Variants in CR2 observed in about 807,000 individuals in gnomAD.
CR2 encodes complement receptor type 2.
In CR2, 96 loss-of-function variants were observed where a neutral mutation model predicts 123.0. The ratio of observed to expected loss-of-function variants is 0.78; its 90% CI spans 0.66 to 0.93. The LOEUF is 0.93. CR2 is among the 40% of genes least tolerant of loss of function. The pLI is 0.00. For missense variants in CR2, 1,258 were observed against 1,361.0 expected (o/e 0.92, Z 1.19); for synonymous variants, 484 against 469.5 (o/e 1.03, Z -0.40).
chr1:207,473,351 C>A (rs1658343236), intron 10 of CR2, among the ~76,000 whole-genome samples, 172 bp downstream of exon 10: 1 of 152,050 alleles, frequency 6.6e-6, no homozygotes, highest in African/African-American at 2.4e-5. Flanking sequence ...GCAAATGCCC[C>A]CTTGGATCTG....
chr1:207,470,278 T>C (rs1658231501), intron 6 of CR2, among the ~76,000 whole-genome samples, 176 bp downstream of exon 6: 1 of 152,194 alleles, frequency 6.6e-6, no homozygotes, highest in Non-Finnish European at 1.5e-5. Context: ...CACCATTGTT[T>C]TATTTTGTGG....
intron 1 of CR2, among the ~76,000 whole-genome samples, chr1:207,457,286 C>A (rs1657856431): frequency 6.6e-6 from 1 of 152,194 alleles, no homozygotes; most frequent in African/African-American, 2.4e-5. Context: ...ATCCATTCTG[C>A]TGACAAATTC....
In CR2 at chr1:207,454,519, G is replaced by A. The variant is rs1657780905; in HGVS notation, c.58+43G>A. 5 of 1,432,386 alleles carry A rather than the reference G, an allele frequency of 3.5e-6. No individual in the cohort carries two copies. The highest frequency in any genetic ancestry group is 3.8e-6 in the Non-Finnish European group (4 of 1,064,198). 88.7% of individuals were successfully genotyped at this position (1,432,386 alleles called of 1,614,324 possible). On this transcript the variant is annotated intron_variant, in intron 1 of 19. Transcript: ENST00000367057. This position sits in a 1 kb window ranked among gnomAD's most constrained non-coding sequence, Gnocchi z 4.3. ...GCACGGAGGTGGGGACGCGTCCCGG[G>A]CAGGGAAAGTTTCTGTGCCGCGATG... is the stretch of plus-strand genomic sequence containing the variant.
At chr1:207,481,749 C>T (rs1003983211) in intron 18 of CR2, among the ~76,000 whole-genome samples, 15 of 151,878 alleles carry the variant, frequency 9.9e-5, no homozygotes, top group African/African-American at 3.1e-4. Flanking sequence ...GCTACATAGC[C>T]ATAAAAGTAT....
rs775229214 is a variant in CR2 at position 207,473,688 on chromosome 1, G to C, written c.2122G>C (p.Gly708Arg). Residue 708 changes from glycine to arginine, a missense_variant, in exon 11 of 20, where the codon GGA becomes CGA. Transcript: ENST00000367057. The part of the protein sequence containing the change: ...GNKSIHCMPS[G>R]NWSPSAPRCE... Reference sequence around the variant, plus strand: ...CAAATCCATTCACTGTATGCCTTCAGGAAATTGGAGTCCTTCTGCCCCACG... The same window carrying C: ...CAAATCCATTCACTGTATGCCTTCACGAAATTGGAGTCCTTCTGCCCCACG... 7.1e-5 allele frequency: 114 copies of C among 1,613,908 alleles called. No homozygotes were observed. Among genetic ancestry groups the C allele is most frequent in the Non-Finnish European group, 5.9e-6 (7 of 1,179,908 alleles).
Position 207,475,192 on chromosome 1 carries a change from G to A in CR2, c.2692G>A (p.Gly898Ser), listed in dbSNP as rs1363171444. ...RCHTDNTWVP[G>S]VPTCIKKAFI... Reference sequence around the variant, plus strand: ...TCATACTGATAACACATGGGTGCCAGGTGTGCCAACTTGTATCAAAAAAGG... The same window carrying A: ...TCATACTGATAACACATGGGTGCCAAGTGTGCCAACTTGTATCAAAAAAGG... Residue 898 changes from glycine to serine, a missense_variant, in exon 14 of 20, where the codon GGT becomes AGT. Transcript: ENST00000367057. 1.2e-6 allele frequency: 2 copies of A among 1,613,846 alleles called. No homozygotes were observed. The highest frequency in any genetic ancestry group is 2.2e-5 in the South Asian group (2 of 91,062).
At position 207,469,904 on chromosome 1, in the gene CR2, G is replaced by C. The variant is rs1658216133; in HGVS notation, c.1027G>C (p.Glu343Gln). The change falls in exon 6 of 20, where the codon GAA becomes CAA. Residue 343 changes from glutamate (E) to glutamine (Q), a missense_variant. Glu to Gln is a conservative substitution (Grantham distance 29). Coordinates refer to ENST00000367057, the MANE Select transcript of CR2 (RefSeq NM_001006658.3). ...GTWSGPAPRC[E>Q]LSTSAVQCPH... Reference sequence around the variant, plus strand: ...CTGGAGTGGCCCTGCCCCACGCTGTGAACTTTCTACTTCTGCGGTTCAGTG... The same window carrying C: ...CTGGAGTGGCCCTGCCCCACGCTGTCAACTTTCTACTTCTGCGGTTCAGTG... 1 of 1,613,864 alleles carries C rather than the reference G, an allele frequency of 6.2e-7. No individual in the cohort carries two copies. The highest frequency in any genetic ancestry group is 8.5e-7 in the Non-Finnish European group (1 of 1,179,950).
chr1:207,458,073 C>CACATACACACACACACAT (rs1657879914), intron 1 of CR2, among the ~76,000 whole-genome samples: 1 of 149,192 alleles, frequency 6.7e-6, no homozygotes, highest in Admixed American at 6.6e-5. Context: ...CACACACACA[C>CACATACACACACACACAT]ACACACACAC....
intron 5 of CR2, 31 bp downstream of exon 5, chr1:207,469,263 T>G (rs1658195699): frequency 4.5e-6 from 7 of 1,541,510 alleles, no homozygotes; most frequent in Non-Finnish European, 6.3e-6. Flanking sequence ...CTGACAGCAC[T>G]GCATTCTCAG....
rs749874698 is a variant in CR2 at position 207,473,780 on chromosome 1, ATTC to A, written c.2156-20_2156-18del. Reference sequence around the variant, plus strand: ...ATATGAGACATCTATAAATACTGTAATTCCATCCTTGCTTCTCCAGAAACATGC... The same window carrying A: ...ATATGAGACATCTATAAATACTGTAACATCCTTGCTTCTCCAGAAACATGC... On this transcript the variant is annotated intron_variant, in intron 11 of 19. Transcript: ENST00000367057. The A allele has an allele frequency of 1.8e-4, 293 of 1,613,928 alleles. 1 individual carries two copies. Among genetic ancestry groups the A allele is most frequent in the Non-Finnish European group, 2.4e-4 (280 of 1,179,832 alleles).
At chr1:207,463,020 G>A (rs1410833227) in intron 1 of CR2, among the ~76,000 whole-genome samples, 4 of 152,112 alleles carry the variant, frequency 2.6e-5, no homozygotes, top group Non-Finnish European at 5.9e-5. Flanking sequence ...ACATAAGCAG[G>A]CCTGTCAGCA....
Position 207,476,431 on chromosome 1 carries a change from A to T in CR2, c.2902+12A>T. 6.2e-7 allele frequency: 1 copy of T among 1,610,306 alleles called. No individual in the cohort carries two copies. The highest frequency in any genetic ancestry group is 8.5e-7 in the Non-Finnish European group (1 of 1,178,514). On this transcript the variant is annotated intron_variant, in intron 15 of 19. Transcript: ENST00000367057. The stretch of plus-strand genomic sequence containing the variant: ...CCCTCATTGTAAAGGTGCTTTGTCT[A>T]TTTTTTATTCTTATTTTTATATCAA...
Position 207,469,910 on chromosome 1 carries a change from T to C in CR2, c.1033T>C (p.Ser345Pro). 6.2e-7 allele frequency: 1 copy of C among 1,614,048 alleles called. No individual in the cohort carries two copies. The highest frequency in any genetic ancestry group is 2.2e-5 in the East Asian group (1 of 44,882). Residue 345 changes from serine to proline, a missense_variant, in exon 6 of 20, where the codon TCT (serine) becomes CCT (proline). By Grantham distance (74) the Ser-to-Pro change is moderately conservative. Coordinates refer to ENST00000367057, the MANE Select transcript of CR2 (RefSeq NM_001006658.3). Reference protein sequence around the residue: ...WSGPAPRCELSTSAVQCPHPQ... With the variant: ...WSGPAPRCELPTSAVQCPHPQ... ...TGGCCCTGCCCCACGCTGTGAACTT[T>C]CTACTTCTGCGGTTCAGTGTCCACA...
Position 207,454,471 on chromosome 1 carries a change from T to C in CR2, c.53T>C (p.Val18Ala). 1 of 1,566,100 alleles carries C rather than the reference T, an allele frequency of 6.4e-7. No homozygotes were observed. The part of the protein sequence containing the change: ...GVFLALVAPG[V>A]LGISCGSPPP... ...TTCTTGGCTCTCGTCGCACCGGGGG[T>C]CCTCGGTGAGCTGGGAGGGGGAGCA... The change falls in exon 1 of 20, where the codon GTC (valine) becomes GCC (alanine). Residue 18 changes from valine to alanine, a missense_variant. By Grantham distance (64) the Val-to-Ala change is moderately conservative (BLOSUM62 0). Coordinates refer to ENST00000367057, the MANE Select transcript of CR2 (RefSeq NM_001006658.3). The surrounding 1 kb of genome is among the most constrained non-coding windows in gnomAD (Gnocchi z 4.3).
rs1658439609 is a variant in CR2 at position 207,476,374 on chromosome 1, T to G, written c.2857T>G (p.Cys953Gly). The G allele has an allele frequency of 6.2e-7, 1 of 1,613,968 alleles. No individual in the cohort carries two copies. The highest frequency in any genetic ancestry group is 8.5e-7 in the Non-Finnish European group (1 of 1,179,906). ...YLLVGEALLL[C>G]THEGTWSQPA... Reference sequence around the variant, plus strand: ...GCTGGTGGGAGAGGCACTCCTTCTTTGCACACATGAGGGAACCTGGAGCCA... The same window carrying G: ...GCTGGTGGGAGAGGCACTCCTTCTTGGCACACATGAGGGAACCTGGAGCCA... Residue 953 changes from cysteine (C) to glycine (G), a missense_variant, in exon 15 of 20, where the codon TGC becomes GGC. Physicochemically the swap from Cys to Gly is radical, Grantham distance 159. Transcript: ENST00000367057.
At chr1:207,488,043 C>G (rs945422447) in intron 19 of CR2, among the ~76,000 whole-genome samples, 6 of 152,196 alleles carry the variant, frequency 3.9e-5, no homozygotes, top group Non-Finnish European at 5.9e-5. Context: ...ATAGGGAGTA[C>G]AGAAAGGCCG....
rs192163461 is a variant in CR2 at position 207,485,339 on chromosome 1, A to T, written c.3189-125A>T. ...TATCCCAGAACTTAAAGTATAATTT[A>T]AAAAAATGAAATCATCCACAAAAGT... On this transcript the variant is annotated intron_variant, in intron 18 of 19. Coordinates refer to ENST00000367057, the MANE Select transcript of CR2 (RefSeq NM_001006658.3). 388 of 679,834 alleles carry T rather than the reference A, an allele frequency of 5.7e-4. 2 individuals carry two copies. The highest frequency in any genetic ancestry group is 3.0e-3 in the African/African-American group (167 of 55,440). 42.1% of individuals were successfully genotyped at this position (679,834 alleles called of 1,614,324 possible). A position where few individuals can be genotyped will look rare whatever the true frequency, so the allele number is the denominator to read the frequency against.
chr1:207,485,386 A>G, intron 18 of CR2, 78 bp from the exon 19 acceptor site: 1 of 905,206 alleles, frequency 1.1e-6, no homozygotes, highest in South Asian at 1.3e-5. Flanking sequence ...GTTGGGAATT[A>G]TGGAAAGCAA....
intron 15 of CR2, among the ~76,000 whole-genome samples, chr1:207,477,530 A>G (rs535440699): frequency 5.3e-5 from 8 of 152,236 alleles, no homozygotes; most frequent in Admixed American, 1.3e-4. Context: ...ATGAAGAATT[A>G]GAGAGTAAAA....
Sources: gnomAD v4.1 joint callset for allele counts (sites outside exome capture counted in the v4.1 genomes callset) on GRCh38, gnomAD v4.1.1 for gene constraint, Gnocchi (gnomAD v3.1) non-coding constraint, MANE v1.5 for transcripts, NCBI Gene and HGNC (gene_info 2026-07-23, HGNC 2026-07-21) for gene names.